CNTN5: variants seen among roughly 807,000 people sequenced by gnomAD.
The protein encoded by CNTN5 is contactin 5, also known as contactin-5.
In CNTN5, 77 loss-of-function variants were observed where a neutral mutation model predicts 129.1. The observed-to-expected ratio is 0.60, with a 90% CI of 0.50 to 0.72. CNTN5 has a LOEUF of 0.72. Ranked by LOEUF, CNTN5 falls within the 30% of genes least tolerant of loss-of-function variation. CNTN5 has a pLI of 0.00. For synonymous variants in CNTN5, 509 were observed against 465.6 expected (o/e 1.09, Z -1.20); for missense variants, 1,478 against 1,328.8 (o/e 1.11, Z -1.75).
chr11:100,093,447 T>A (rs897366738), intron 13 of CNTN5, among the ~76,000 whole-genome samples: 4 of 151,840 alleles, frequency 2.6e-5, no homozygotes, highest in African/African-American at 9.7e-5. Flanking sequence ...ATTTTTTTTT[T>A]ATACAGATGA....
intron 1 of CNTN5, among the ~76,000 whole-genome samples, chr11:99,245,874 G>A (rs1025848700): frequency 6.6e-6 from 1 of 152,068 alleles, no homozygotes; most frequent in African/African-American, 2.4e-5. Context: ...TGACAGTAGC[G>A]TCCCTCAAGT....
chr11:99,138,936 AAGT>A (rs1192096719), intron 1 of CNTN5, among the ~76,000 whole-genome samples: 2 of 152,150 alleles, frequency 1.3e-5, no homozygotes, highest in South Asian at 4.1e-4. Flanking sequence ...GTAGCAAAGA[AAGT>A]AGCAAATAAA....
chr11:99,274,569 G>C (rs1863333580), intron 1 of CNTN5, among the ~76,000 whole-genome samples: 1 of 151,326 alleles, frequency 6.6e-6, no homozygotes. Flanking sequence ...AATTAACTGT[G>C]ATTTACTTTT....
At chr11:99,320,040 G>A (rs1282882817) in intron 1 of CNTN5, among the ~76,000 whole-genome samples, 2 of 152,134 alleles carry the variant, frequency 1.3e-5, no homozygotes, top group Non-Finnish European at 1.5e-5. Flanking sequence ...AGGAGTTCGA[G>A]ACCAGCCTGG....
intron 1 of CNTN5, among the ~76,000 whole-genome samples, chr11:99,253,994 C>A (rs1862248940): frequency 6.7e-6 from 1 of 149,790 alleles, no homozygotes; most frequent in Non-Finnish European, 1.5e-5. Context: ...TATTGTGAAA[C>A]AATGTTTAAA....
intron 1 of CNTN5, among the ~76,000 whole-genome samples, chr11:99,205,108 GA>G (rs1252088577): frequency 6.6e-6 from 1 of 151,866 alleles, no homozygotes; most frequent in Non-Finnish European, 1.5e-5. Context: ...AGTGTAGTAT[GA>G]ACACTTTGCT....
chr11:99,027,250 C>A (rs1863147315), intron 1 of CNTN5, among the ~76,000 whole-genome samples: 1 of 151,546 alleles, frequency 6.6e-6, no homozygotes, highest in South Asian at 2.1e-4. Context: ...TTTTCCCAGA[C>A]TGGCAGGTTT....
intron 24 of CNTN5, 78 bp downstream of exon 24, chr11:100,350,948 TGATAG>T: frequency 9.0e-7 from 1 of 1,107,460 alleles, no homozygotes; most frequent in Non-Finnish European, 1.3e-6. Context: ...AAAATTGATG[TGATAG>T]ATTTCATGGT....
In CNTN5 at chr11:99,956,842, C is replaced by A. The variant is rs200560123; in HGVS notation, c.710C>A (p.Ser237Tyr). Residue 237 changes from serine (S) to tyrosine (Y), a missense_variant, in exon 8 of 25, where the codon TCC (serine) becomes TAC (tyrosine). Physicochemically the swap from Ser to Tyr is moderately radical, Grantham distance 144. Transcript: ENST00000524871. ...AGCTGGGTATTTAATGAGTTCCCTTCCTTTGTGGCGGAAGACAGCCGGCGG... is the reference window on the plus strand; with the variant it reads ...AGCTGGGTATTTAATGAGTTCCCTTACTTTGTGGCGGAAGACAGCCGGCGG... ...IYSWVFNEFP[S>Y]FVAEDSRRFI... 85 of 1,613,780 alleles carry A rather than the reference C, an allele frequency of 5.3e-5. No individual in the cohort carries two copies. Among genetic ancestry groups the A allele is most frequent in the Non-Finnish European group, 5.9e-5 (70 of 1,179,830 alleles).
At chr11:99,146,095 T>A (rs1186258873) in intron 1 of CNTN5, among the ~76,000 whole-genome samples, 1 of 152,136 alleles carries the variant, frequency 6.6e-6, no homozygotes, top group African/African-American at 2.4e-5. Flanking sequence ...ATCATTACCC[T>A]GCTCTTATCA....
At chr11:99,406,771 C>A (rs1049975464) in intron 2 of CNTN5, among the ~76,000 whole-genome samples, 1 of 152,180 alleles carries the variant, frequency 6.6e-6, no homozygotes, top group African/African-American at 2.4e-5. Context: ...TCATAAGACA[C>A]AGCTTTTTTC....
chr11:100,259,363 C>T lies in CNTN5; in HGVS notation c.2164+3445C>T, dbSNP rs375803791. Among the ~76,000 whole-genome samples, 12 of 152,028 alleles carry T rather than the reference C, an allele frequency of 7.9e-5. No individual in the cohort carries two copies. The East Asian group carries it at 9.7e-4, about 12-fold the overall frequency. ...ATAATAGTGGGAGACTTTAACACCC[C>T]ACTATCAATATTGGACAAAGGAACA... On this transcript the variant is annotated intron_variant, in intron 17 of 24. Coordinates refer to ENST00000524871, the MANE Select transcript of CNTN5 (RefSeq NM_014361.4).
chr11:100,305,339 T>C (rs1951324623), intron 20 of CNTN5, among the ~76,000 whole-genome samples: 1 of 151,574 alleles, frequency 6.6e-6, no homozygotes, highest in Admixed American at 6.6e-5. Flanking sequence ...GAGACAATTG[T>C]GAGTGGGAGG....
At chr11:100,025,875 C>T (rs1022212675) in intron 9 of CNTN5, among the ~76,000 whole-genome samples, 2 of 152,080 alleles carry the variant, frequency 1.3e-5, no homozygotes, top group African/African-American at 4.8e-5. Flanking sequence ...TTTACAGGCT[C>T]ATTTGTAGAA....
chr11:99,100,371 C>A (rs187892191), intron 1 of CNTN5, among the ~76,000 whole-genome samples: 1 of 152,220 alleles, frequency 6.6e-6, no homozygotes, highest in African/African-American at 2.4e-5. Context: ...TCTTCAACTT[C>A]TTGATCTAAC....
intron 9 of CNTN5, among the ~76,000 whole-genome samples, chr11:100,034,016 A>G (rs1172547113): frequency 6.6e-6 from 1 of 152,208 alleles, no homozygotes; most frequent in Non-Finnish European, 1.5e-5. Context: ...TTCATTCTGT[A>G]TCTTACTTCC....
intron 8 of CNTN5, among the ~76,000 whole-genome samples, chr11:99,975,816 C>T (rs925695388): frequency 3.3e-5 from 5 of 152,106 alleles, no homozygotes; most frequent in Non-Finnish European, 5.9e-5. Flanking sequence ...TCTACCGCGG[C>T]CCCTCCCAAA....
chr11:100,176,138 A>G (rs1243886724), intron 13 of CNTN5, among the ~76,000 whole-genome samples: 4 of 150,874 alleles, frequency 2.7e-5, no homozygotes, highest in African/African-American at 9.8e-5. Flanking sequence ...TCCTGCCTCA[A>G]CCTCCCGAGT....
chr11:100,303,780 C>A (rs1951285114), intron 20 of CNTN5, among the ~76,000 whole-genome samples: 1 of 151,612 alleles, frequency 6.6e-6, no homozygotes, highest in Non-Finnish European at 1.5e-5. Context: ...TTAGCTGAAA[C>A]TGAGCTCACT....
Sources: allele counts gnomAD v4.1 joint callset (sites outside exome capture counted in the v4.1 genomes callset), GRCh38; gene constraint gnomAD v4.1.1; transcripts MANE v1.5; gene names NCBI Gene and HGNC (gene_info 2026-07-23, HGNC 2026-07-21).